ENTREP2: variants seen among roughly 807,000 people sequenced by gnomAD.
The protein encoded by ENTREP2 is protein ENTREP2.
At chr15:29,647,620 A>AG in the ENTREP2 span, among the ~76,000 whole-genome samples, 2 of 152,204 alleles carry the variant, frequency 1.3e-5, no homozygotes, top group African/African-American at 2.4e-5. Context: ...AACAGTATAC[A>AG]GGTATTTGGG....
the ENTREP2 span, among the ~76,000 whole-genome samples, chr15:29,131,534 T>C: frequency 7.3e-6 from 1 of 136,838 alleles, no homozygotes; most frequent in Non-Finnish European, 1.5e-5. Context: ...ACAGCCAGGC[T>C]CCAGGCTGTC....
chr15:29,639,767 GC>G, the ENTREP2 span, among the ~76,000 whole-genome samples: 2 of 137,480 alleles, frequency 1.5e-5, no homozygotes, highest in African/African-American at 3.2e-5. Flanking sequence ...GTTTTTGTTT[GC>G]TTTTTTTTTT....
At chr15:29,269,559 G>A in the ENTREP2 span, 1 of 1,523,600 alleles carries the variant, frequency 6.6e-7, no homozygotes, top group Non-Finnish European at 8.8e-7. Context: ...CGCGGGACGT[G>A]CTCGGGGCCT....
chr15:29,343,447 G>A, the ENTREP2 span, among the ~76,000 whole-genome samples: 1 of 152,046 alleles, frequency 6.6e-6, no homozygotes, highest in Non-Finnish European at 1.5e-5. Context: ...CCAGCCTGCA[G>A]AATTCAGACT....
chr15:29,542,680 A>G, the ENTREP2 span, among the ~76,000 whole-genome samples: 2 of 152,142 alleles, frequency 1.3e-5, no homozygotes, highest in Admixed American at 6.6e-5. Flanking sequence ...ACCACCAAAC[A>G]TGCACAGAGC....
the ENTREP2 span, among the ~76,000 whole-genome samples, chr15:29,493,425 G>A: frequency 5.3e-5 from 8 of 151,906 alleles, no homozygotes; most frequent in Non-Finnish European, 8.8e-5. Flanking sequence ...GAGCCACCGC[G>A]CCCGGCCGAC....
chr15:29,199,680 T>C, the ENTREP2 span, among the ~76,000 whole-genome samples: 1 of 152,342 alleles, frequency 6.6e-6, no homozygotes, highest in Non-Finnish European at 1.5e-5. Context: ...ATTTTCTCAG[T>C]CTATAGTTTA....
the ENTREP2 span, among the ~76,000 whole-genome samples, chr15:29,214,869 T>C: frequency 4.6e-5 from 7 of 152,230 alleles, no homozygotes; most frequent in African/African-American, 1.4e-4. Flanking sequence ...TCGGGCTATC[T>C]TGGAGAAAGT....
At chr15:29,137,285 G>T in the ENTREP2 span, 2 of 1,169,042 alleles carry the variant, frequency 1.7e-6, no homozygotes, top group Non-Finnish European at 2.3e-6. Flanking sequence ...TTAATGATCA[G>T]TTTGGAATGC....
the ENTREP2 span, among the ~76,000 whole-genome samples, chr15:29,480,366 A>AAAAC: frequency 7.2e-6 from 1 of 138,490 alleles, no homozygotes; most frequent in African/African-American, 2.7e-5. Flanking sequence ...AAAAAAAAAA[A>AAAAC]CCCACAAATG....
the ENTREP2 span, among the ~76,000 whole-genome samples, chr15:29,342,158 T>C: frequency 1.3e-5 from 2 of 152,070 alleles, no homozygotes; most frequent in Non-Finnish European, 2.9e-5. Context: ...GGGATGGCAA[T>C]TGAAACCAAA....
At chr15:29,169,569 C>T in the ENTREP2 span, among the ~76,000 whole-genome samples, 4 of 152,108 alleles carry the variant, frequency 2.6e-5, no homozygotes, top group Admixed American at 2.6e-4. Context: ...AAATTAAATA[C>T]AGTAGCATTT....
chr15:29,646,732 A>G, the ENTREP2 span, among the ~76,000 whole-genome samples: 1 of 152,214 alleles, frequency 6.6e-6, no homozygotes, highest in Non-Finnish European at 1.5e-5. Flanking sequence ...ATTTGATGGA[A>G]TAACCAGGGA....
chr15:29,644,763 A>G, the ENTREP2 span, among the ~76,000 whole-genome samples: 18 of 150,908 alleles, frequency 1.2e-4, no homozygotes, highest in Middle Eastern at 3.4e-3. Context: ...AGATCATGCC[A>G]CTGCCCTCCA....
the ENTREP2 span, among the ~76,000 whole-genome samples, chr15:29,317,454 GTC>G: frequency 7.9e-4 from 121 of 152,238 alleles, 1 homozygote; most frequent in African/African-American, 2.8e-3. Context: ...AATCAAAATA[GTC>G]AGGAACAGAC....
At chr15:29,287,943 A>G in the ENTREP2 span, among the ~76,000 whole-genome samples, 2 of 152,208 alleles carry the variant, frequency 1.3e-5, no homozygotes, top group Non-Finnish European at 2.9e-5. Flanking sequence ...AAAGTGACCC[A>G]CGGTTAGGAG....
the ENTREP2 span, among the ~76,000 whole-genome samples, chr15:29,647,850 G>A: frequency 7.2e-5 from 11 of 152,036 alleles, no homozygotes; most frequent in Non-Finnish European, 1.5e-4. Context: ...GCCAAGAGGT[G>A]GGACATGATT....
the ENTREP2 span, among the ~76,000 whole-genome samples, chr15:29,275,868 G>A: frequency 1.3e-5 from 2 of 152,192 alleles, no homozygotes; most frequent in Non-Finnish European, 2.9e-5. Flanking sequence ...CACCACATAT[G>A]AGCTGTTCTC....
At chr15:29,593,290 C>T in the ENTREP2 span, among the ~76,000 whole-genome samples, 1 of 152,206 alleles carries the variant, frequency 6.6e-6, no homozygotes, top group African/African-American at 2.4e-5. Flanking sequence ...AGTTAACAAG[C>T]TAATGTCAGG....
Sources: gnomAD v4.1 joint callset for allele counts (sites outside exome capture counted in the v4.1 genomes callset) on GRCh38, gnomAD v4.1.1 for gene constraint, MANE v1.5 for transcripts, NCBI Gene and HGNC (gene_info 2026-07-23, HGNC 2026-07-21) for gene names.